Variants in CFAP77 observed in about 807,000 individuals in gnomAD.
CFAP77 encodes the protein cilia and flagella associated protein 77.
A neutral mutation model predicts 31.1 loss-of-function variants in CFAP77; 25 were observed. The ratio of observed to expected loss-of-function variants is 0.80; its 90% CI spans 0.59 to 1.12. The LOEUF (loss-of-function observed/expected upper bound fraction) is 1.12, where lower values mean the gene tolerates loss of function less well. Ranked by LOEUF, CFAP77 falls within the 50% of genes most tolerant of loss-of-function variation. CFAP77 has a pLI of 0.00. For missense variants in CFAP77, 377 were observed against 397.3 expected (o/e 0.95, Z 0.44); for synonymous variants, 151 against 159.9 (o/e 0.94, Z 0.42).
At chr9:132,488,449 T>C (rs1334881844) in intron 1 of CFAP77, among the ~76,000 whole-genome samples, 6 of 152,272 alleles carry the variant, frequency 3.9e-5, no homozygotes, top group African/African-American at 1.4e-4. Context: ...TTTTAAGAGG[T>C]ACAGCTGTTT....
Position 132,490,017 on chromosome 9 carries a change from G to A in CFAP77, c.196-8678G>A, listed in dbSNP as rs929866838. Among the ~76,000 whole-genome samples, 4 of 152,160 alleles carry A rather than the reference G, an allele frequency of 2.6e-5. No homozygotes were observed. The highest frequency in any genetic ancestry group is 7.2e-5 in the African/African-American group (3 of 41,446). ...GGGGCTGGGAGTTCCAGATCAATGCGCCGGTGGTTTCTGTGTCTGGTGAGA... is the reference window on the plus strand; with the variant it reads ...GGGGCTGGGAGTTCCAGATCAATGCACCGGTGGTTTCTGTGTCTGGTGAGA... On this transcript the variant is annotated intron_variant, in intron 1 of 5. Transcript: ENST00000393216. This position sits in a 1 kb window ranked among gnomAD's most constrained non-coding sequence, Gnocchi z 4.6.
chr9:132,438,519 G>GTATATATATATATATATA (rs34631762), intron 1 of CFAP77, among the ~76,000 whole-genome samples: 3 of 116,708 alleles, frequency 2.6e-5, no homozygotes, highest in African/African-American at 1.0e-4. Context: ...AACAGATATG[G>GTATATATATATATATATA]TATATATATA....
In CFAP77 at chr9:132,501,510, C is replaced by A. The variant is rs751999257; in HGVS notation, c.524+1910C>A. Among the ~76,000 whole-genome samples the A allele has an allele frequency of 6.6e-6, 1 of 151,610 alleles. No individual in the cohort carries two copies. Among genetic ancestry groups the A allele is most frequent in the Non-Finnish European group, 1.5e-5 (1 of 68,006 alleles). The stretch of plus-strand genomic sequence containing the variant: ...GTCTCCCTTCCAGGTTCCAGTGATT[C>A]TCCTGCCTCAGCCTCCCGAGTAGCT... On this transcript the variant is annotated intron_variant, in intron 3 of 5. Coordinates refer to ENST00000393216, the MANE Select transcript of CFAP77 (RefSeq NM_001282957.2). This position sits in a 1 kb window ranked among gnomAD's most constrained non-coding sequence, Gnocchi z 4.6.
intron 5 of CFAP77, among the ~76,000 whole-genome samples, chr9:132,566,098 C>G (rs1383432733): frequency 6.6e-6 from 1 of 152,142 alleles, no homozygotes; most frequent in African/African-American, 2.4e-5. Context: ...CAGGGGTCCA[C>G]AGGGTCGTGA....
intron 3 of CFAP77, among the ~76,000 whole-genome samples, chr9:132,515,281 CTG>C (rs1330796444): frequency 6.6e-6 from 1 of 152,176 alleles, no homozygotes; most frequent in Non-Finnish European, 1.5e-5. Flanking sequence ...GAAGGAGAGA[CTG>C]TGTCAAATGC....
In CFAP77 at chr9:132,499,691, G is replaced by A; in HGVS notation, c.524+91G>A. 1 of 1,158,296 alleles carries A rather than the reference G, an allele frequency of 8.6e-7. No individual in the cohort carries two copies. The highest frequency in any genetic ancestry group is 1.3e-6 in the Non-Finnish European group (1 of 783,796). The allele number at this position is 1,158,296 out of a possible 1,614,324, so 71.8% of individuals were successfully genotyped here. A position where few individuals can be genotyped will look rare whatever the true frequency, so the allele number is the denominator to read the frequency against. On this transcript the variant is annotated intron_variant, in intron 3 of 5. Transcript: ENST00000393216. This position sits in a 1 kb window ranked among gnomAD's most constrained non-coding sequence, Gnocchi z 5.4. ...AAGGTCGGAGGGTGACAGGGAAGTG[G>A]AGCATCCTCCCAGCCCCACTGTCCT...
intron 1 of CFAP77, among the ~76,000 whole-genome samples, chr9:132,458,357 G>GGGGGGGGGGGGTGGGGT (rs139008147): frequency 1.3e-4 from 15 of 119,096 alleles, no homozygotes; most frequent in East Asian, 2.7e-4. Context: ...GAGGGGGGGG[G>GGGGGGGGGGGGTGGGGT]GTGTGTATGG....
intron 1 of CFAP77, among the ~76,000 whole-genome samples, chr9:132,422,226 C>G (rs1159643472): frequency 6.6e-6 from 1 of 152,206 alleles, no homozygotes; most frequent in African/African-American, 2.4e-5. Context: ...CCAGACTGGT[C>G]TTGAACTCCC....
intron 1 of CFAP77, among the ~76,000 whole-genome samples, chr9:132,442,601 T>C (rs1451216470): frequency 6.6e-6 from 1 of 152,084 alleles, no homozygotes; most frequent in African/African-American, 2.4e-5. Flanking sequence ...TTTTACATAA[T>C]CTTATAAACC....
intron 1 of CFAP77, among the ~76,000 whole-genome samples, chr9:132,414,391 A>G (rs2131673418): frequency 6.6e-6 from 1 of 152,302 alleles, no homozygotes; most frequent in South Asian, 2.1e-4. Context: ...GGGAGATGGG[A>G]TACATGCACA....
chr9:132,529,761 G>A (rs1387009926), intron 3 of CFAP77, among the ~76,000 whole-genome samples: 2 of 151,352 alleles, frequency 1.3e-5, no homozygotes, highest in African/African-American at 4.9e-5. Flanking sequence ...GGGAGGCAGA[G>A]GTTGCAGTGA....
At chr9:132,509,239 G>A (rs946165050) in intron 3 of CFAP77, among the ~76,000 whole-genome samples, 1 of 152,222 alleles carries the variant, frequency 6.6e-6, no homozygotes, top group African/African-American at 2.4e-5. Flanking sequence ...GAGGTCACAG[G>A]TGGCGAATGG....
At chr9:132,483,950 T>TA (rs1851494766) in intron 1 of CFAP77, among the ~76,000 whole-genome samples, 1 of 151,426 alleles carries the variant, frequency 6.6e-6, no homozygotes. Context: ...TTTTTTTTTT[T>TA]TTTTGAGACA....
At chr9:132,524,989 T>C (rs1250127529) in intron 3 of CFAP77, among the ~76,000 whole-genome samples, 1 of 147,238 alleles carries the variant, frequency 6.8e-6, no homozygotes, top group Non-Finnish European at 1.5e-5. Flanking sequence ...TTTTTGGCCC[T>C]ATACTCTTCG....
In CFAP77 at chr9:132,498,705, G is replaced by A; in HGVS notation, c.206G>A (p.Gly69Asp). ...TCCTTCCCCCGACAGGCTGAACTCG[G>A]CAAGCCCCGGGAAAGAAGCTACAGT... Reference protein sequence around the residue: ...QNPLIVKAELGKPRERSYSLP... With the variant: ...QNPLIVKAELDKPRERSYSLP... Residue 69 changes from glycine (G) to aspartate (D), a missense_variant, in exon 2 of 6, where the codon GGC becomes GAC. Transcript: ENST00000393216. The surrounding 1 kb of genome is among the most constrained non-coding windows in gnomAD (Gnocchi z 4.2). The A allele has an allele frequency of 6.2e-7, 1 of 1,610,826 alleles. No homozygotes were observed. Among genetic ancestry groups the A allele is most frequent in the Non-Finnish European group, 8.5e-7 (1 of 1,178,298 alleles).
rs1004652151 is a variant in CFAP77, at chr9:132,517,479, G to C, written c.524+17879G>C. Among the ~76,000 whole-genome samples the C allele has an allele frequency of 5.3e-5, 8 of 152,324 alleles. No individual in the cohort carries two copies. The highest frequency in any genetic ancestry group is 1.9e-4 in the African/African-American group (8 of 41,576). On this transcript the variant is annotated intron_variant, in intron 3 of 5. Coordinates refer to ENST00000393216, the MANE Select transcript of CFAP77 (RefSeq NM_001282957.2). The surrounding 1 kb of genome is among the most constrained non-coding windows in gnomAD (Gnocchi z 4.7). ...CTACTAAACCGAATTAGTAGTCACT[G>C]ATGACCAATTATTTTAGCCTGCTGT...
intron 1 of CFAP77, among the ~76,000 whole-genome samples, chr9:132,462,861 G>A (rs1196871576): frequency 4.6e-5 from 7 of 152,128 alleles, no homozygotes; most frequent in Non-Finnish European, 1.0e-4. Flanking sequence ...GTATATACAT[G>A]CACTTTGTAT....
intron 1 of CFAP77, among the ~76,000 whole-genome samples, chr9:132,418,825 T>C (rs1850158802): frequency 6.6e-6 from 1 of 152,208 alleles, no homozygotes; most frequent in Admixed American, 6.5e-5. Context: ...AGGATTTTGT[T>C]TGGTTTGGTT....
rs752811563 is a variant in CFAP77 at position 132,558,735 on chromosome 9, G to A, written c.733-13653G>A. On this transcript the variant is annotated intron_variant, in intron 5 of 5. Transcript: ENST00000393216. ...TAAATAAATAAATAAAAATAAGGAC[G>A]GGTGCGGTGGCTCACGTCTGTAATC... is the stretch of plus-strand genomic sequence containing the variant. Among the ~76,000 whole-genome samples the A allele has an allele frequency of 6.1e-5, 9 of 148,010 alleles. No individual in the cohort carries two copies. In the East Asian group the frequency reaches 6.1e-4, roughly 10 times the overall value.
Sources: allele counts gnomAD v4.1 joint callset (sites outside exome capture counted in the v4.1 genomes callset), GRCh38; gene constraint gnomAD v4.1.1; non-coding constraint Gnocchi (gnomAD v3.1); transcripts MANE v1.5; gene names NCBI Gene and HGNC (gene_info 2026-07-23, HGNC 2026-07-21).